Variants in CCDC88C observed in about 807,000 individuals in gnomAD.
CCDC88C encodes the protein coiled-coil and HOOK domain protein 88C, also known as protein Daple.
Under a neutral mutation model 198.8 loss-of-function variants are expected in CCDC88C, and 131 were observed. The ratio of observed to expected loss-of-function variants is 0.66; its 90% CI spans 0.57 to 0.76. The LOEUF (loss-of-function observed/expected upper bound fraction) is 0.76, where lower values mean the gene tolerates loss of function less well. CCDC88C is among the 30% of genes least tolerant of loss of function. The pLI is 0.00. For synonymous variants in CCDC88C, 1,166 were observed against 1,114.7 expected, an observed-to-expected ratio of 1.05 and a Z score of -0.92; for missense variants, 2,553 against 2,631.6, an observed-to-expected ratio of 0.97 and a Z score of 0.65.
intron 4 of CCDC88C, among the ~76,000 whole-genome samples, chr14:91,351,045 C>T (rs78518201): frequency 0.02 from 3,031 of 152,218 alleles, 43 homozygotes; most frequent in Middle Eastern, 0.061. Flanking sequence ...CTTCTGATCC[C>T]GGTGGTCCCA....
intron 12 of CCDC88C, among the ~76,000 whole-genome samples, chr14:91,324,082 G>T (rs1367383196): frequency 6.6e-6 from 1 of 152,234 alleles, no homozygotes; most frequent in Admixed American, 6.5e-5. Context: ...TCACGTGCAC[G>T]GGAACGGTGA....
chr14:91,278,107 G>C lies in CCDC88C; in HGVS notation c.4873C>G (p.Arg1625Gly). The C allele has an allele frequency of 6.2e-7, 1 of 1,613,050 alleles. No individual in the cohort carries two copies. The highest frequency in any genetic ancestry group is 1.3e-5 in the African/African-American group (1 of 75,056). ...TLPREASTPG[R>G]NALGRHEYPL... ...TACTCGTGGCGGCCGAGGGCGTTGC[G>C]TCCCGGTGTGCTGGCTTCCCGGGGC... The change falls in exon 29 of 30, where the codon CGC (arginine) becomes GGC (glycine). Residue 1625 changes from arginine to glycine, a missense_variant. Arg to Gly is a moderately radical substitution (Grantham distance 125, BLOSUM62 -2). Transcript: ENST00000389857.
chr14:91,335,689 G>A (rs1044827364), intron 10 of CCDC88C, among the ~76,000 whole-genome samples: 1 of 152,160 alleles, frequency 6.6e-6, no homozygotes, highest in African/African-American at 2.4e-5. Context: ...TATCCATGCT[G>A]CTCAATTAAT....
intron 13 of CCDC88C, among the ~76,000 whole-genome samples, chr14:91,320,024 C>CAAAAAAAAAAAAA: frequency 4.1e-5 from 1 of 24,156 alleles, no homozygotes; most frequent in Non-Finnish European, 1.1e-4. Flanking sequence ...AACTCAGTCT[C>CAAAAAAAAAAAAA]AAAAAAAAAA....
chr14:91,359,066 A>G (rs1383868857), intron 4 of CCDC88C, among the ~76,000 whole-genome samples: 1 of 152,088 alleles, frequency 6.6e-6, no homozygotes, highest in African/African-American at 2.4e-5. Context: ...GGTATGACTC[A>G]GGCACCTAAA....
intron 29 of CCDC88C, 21 bp downstream of exon 29, chr14:91,277,901 G>T: frequency 1.4e-6 from 2 of 1,472,730 alleles, no homozygotes; most frequent in South Asian, 2.8e-5. Flanking sequence ...GACGGGCCAA[G>T]TCCGTGTCCG....
intron 4 of CCDC88C, among the ~76,000 whole-genome samples, chr14:91,357,558 C>T (rs1215084418): frequency 1.3e-5 from 2 of 152,200 alleles, no homozygotes; most frequent in East Asian, 3.8e-4. Flanking sequence ...CCACTGTCTC[C>T]AGGGCAGACG....
chr14:91,336,288 G>A (rs1027473207), intron 10 of CCDC88C, among the ~76,000 whole-genome samples: 6 of 152,182 alleles, frequency 3.9e-5, no homozygotes, highest in South Asian at 2.1e-4. Flanking sequence ...GGCGGGTGCT[G>A]GGCAGACGCG....
intron 3 of CCDC88C, among the ~76,000 whole-genome samples, chr14:91,404,546 T>C (rs1160919442): frequency 7.2e-5 from 11 of 152,190 alleles, no homozygotes; most frequent in Non-Finnish European, 1.6e-4. Context: ...AATCTGCATC[T>C]CTAACAAGCT....
At chr14:91,276,319 C>G (rs1889963247) in intron 29 of CCDC88C, among the ~76,000 whole-genome samples, 1 of 152,262 alleles carries the variant, frequency 6.6e-6, no homozygotes, top group South Asian at 2.1e-4. Flanking sequence ...AGACCGCTAA[C>G]TTCTCGAGGG....
chr14:91,398,165 G>A (rs1055012431), intron 3 of CCDC88C, among the ~76,000 whole-genome samples: 3 of 152,098 alleles, frequency 2.0e-5, no homozygotes, highest in Non-Finnish European at 2.9e-5. Flanking sequence ...ACAGTTCCTC[G>A]CTGCTATCTG....
chr14:91,343,764 CTG>C (rs1307861548), intron 4 of CCDC88C, 107 bp from the exon 5 acceptor site: 10 of 1,294,702 alleles, frequency 7.7e-6, no homozygotes, highest in Non-Finnish European at 1.1e-5. Flanking sequence ...TCTCTCTACT[CTG>C]TGACATTCAC....
chr14:91,293,583 C>CAT (rs1372216875), intron 23 of CCDC88C, among the ~76,000 whole-genome samples: 37 of 147,364 alleles, frequency 2.5e-4, no homozygotes, highest in Non-Finnish European at 4.4e-4. Context: ...CCTTCCTGTC[C>CAT]CCTCGCCTGC....
At chr14:91,306,005 G>A (rs1306384190) in intron 18 of CCDC88C, 79 bp from the exon 19 acceptor site, 15 of 1,467,490 alleles carry the variant, frequency 1.0e-5, no homozygotes, top group African/African-American at 1.4e-5. Flanking sequence ...GGGTTGTAAC[G>A]AACCCTCAAA....
At chr14:91,355,243 C>T (rs1227276265) in intron 4 of CCDC88C, among the ~76,000 whole-genome samples, 1 of 152,022 alleles carries the variant, frequency 6.6e-6, no homozygotes, top group Non-Finnish European at 1.5e-5. Flanking sequence ...AGGGTAGACC[C>T]GGGACACCAG....
intron 3 of CCDC88C, among the ~76,000 whole-genome samples, chr14:91,363,356 C>A (rs1174487836): frequency 6.6e-6 from 1 of 151,926 alleles, no homozygotes; most frequent in African/African-American, 2.4e-5. Context: ...GGCAATACCC[C>A]CACCTCGGCC....
rs1894783356 is a variant in CCDC88C, at chr14:91,371,232, G to A, written c.271-11521C>T. Among the ~76,000 whole-genome samples the A allele has an allele frequency of 6.7e-6, 1 of 150,244 alleles. No homozygotes were observed. Among genetic ancestry groups the A allele is most frequent in the Non-Finnish European group, 1.5e-5 (1 of 67,698 alleles). ...GGGATCGTATGACTGTGACTTCATG[G>A]TGGTAGAGTACTTTTTTTTTTTAAG... On this transcript the variant is annotated intron_variant, in intron 3 of 29. Transcript: ENST00000389857. This position sits in a 1 kb window ranked among gnomAD's most constrained non-coding sequence, Gnocchi z 4.2.
At chr14:91,293,523 C>CCCTCACCTGCCACGGCCCACCTTCCCAT (rs1890834129) in intron 23 of CCDC88C, among the ~76,000 whole-genome samples, 1 of 120,676 alleles carries the variant, frequency 8.3e-6, no homozygotes, top group Non-Finnish European at 1.8e-5. Context: ...CCTTCCTGTC[C>CCCTCACCTGCCACGGCCCACCTTCCCAT]CCTCACCTGC....
rs1157546754 is a variant in CCDC88C, at chr14:91,297,313, G to C, written c.3958C>G (p.His1320Asp). The part of the protein sequence containing the change: ...MDISLTKLDN[H>D]CELLSRLKGN... ...CCTGGCGCTGGCCTCACCTCACAGT[G>C]GTTGTCCAGCTTGGTCAGCGAGATG... Residue 1320 changes from histidine to aspartate, a missense_variant, in exon 22 of 30, where the codon CAC (histidine) becomes GAC (aspartate). Coordinates refer to ENST00000389857, the MANE Select transcript of CCDC88C (RefSeq NM_001080414.4). 7 of 1,613,036 alleles carry C rather than the reference G, an allele frequency of 4.3e-6. No individual in the cohort carries two copies. In the East Asian group the frequency reaches 8.9e-5, roughly 21 times the overall value.
Sources: gnomAD v4.1 joint callset for allele counts (sites outside exome capture counted in the v4.1 genomes callset) on GRCh38, gnomAD v4.1.1 for gene constraint, Gnocchi (gnomAD v3.1) non-coding constraint, MANE v1.5 for transcripts, NCBI Gene and HGNC (gene_info 2026-07-23, HGNC 2026-07-21) for gene names.